TUBA8: variants seen among roughly 807,000 people sequenced by gnomAD.
The protein encoded by TUBA8 is tubulin alpha-8 chain.
TUBA8 carries 29 observed loss-of-function variants against 34.7 expected under a neutral mutation model. The ratio of observed to expected loss-of-function variants is 0.84; its 90% CI spans 0.62 to 1.14. TUBA8 has a LOEUF of 1.14. Among genes scored for constraint, TUBA8 ranks in the 50% most tolerant of loss-of-function variants. The probability of loss-of-function intolerance (pLI) is 0.00; values close to 1 mark genes in which losing one functional copy is unlikely to be tolerated. For synonymous variants in TUBA8, 226 were observed against 231.2 expected, an observed-to-expected ratio of 0.98 and a Z score of 0.21; for missense variants, 541 against 599.2, an observed-to-expected ratio of 0.90 and a Z score of 1.01.
Position 18,111,031 on chromosome 22 carries a change from AACACCCGGTGCC to A in TUBA8, c.3+164_3+175del. The A allele has an allele frequency of 9.5e-7, 1 of 1,050,666 alleles. No homozygotes were observed. Among genetic ancestry groups the A allele is most frequent in the African/African-American group, 1.6e-5 (1 of 63,134 alleles). The allele number at this position is 1,050,666 out of a possible 1,614,324, so 65.1% of individuals were successfully genotyped here. A position where few individuals can be genotyped will look rare whatever the true frequency, so the allele number is the denominator to read the frequency against. On this transcript the variant is annotated intron_variant, in intron 1 of 4. Transcript: ENST00000330423. This position sits in a 1 kb window ranked among gnomAD's most constrained non-coding sequence, Gnocchi z 5.1. ...CGAGGAGTCCGCACCCTCGGGCGGG[AACACCCGGTGCC>A]CTTTATCGTATGGGGGAAATAGAGA...
Position 18,119,307 on chromosome 22 carries a change from A to G in TUBA8, c.4-2172A>G, listed in dbSNP as rs1312011550. 6.6e-6 allele frequency: 1 copy of G among 152,002 alleles called. No individual in the cohort carries two copies. Among genetic ancestry groups the G allele is most frequent in the Non-Finnish European group, 1.5e-5 (1 of 68,034 alleles). The allele number at this position is 152,002 out of a possible 1,614,324, so 9.4% of individuals were successfully genotyped here. ...GCCCTCAGATGGAGGCAGAGAATAG[A>G]CCCCACAATAAAGGAGAGAGGAGCA... On this transcript the variant is annotated intron_variant, in intron 1 of 4. Transcript: ENST00000330423. The surrounding 1 kb of genome is among the most constrained non-coding windows in gnomAD (Gnocchi z 5.9).
In TUBA8 at chr22:18,121,474, C is replaced by T. The variant is rs772569328; in HGVS notation, c.4-5C>T. The T allele has an allele frequency of 6.2e-7, 1 of 1,613,478 alleles. No homozygotes were observed. Among genetic ancestry groups the T allele is most frequent in the Non-Finnish European group, 8.5e-7 (1 of 1,179,366 alleles). ...TCTGACCTCGTTGCTTCCCTCTCCCCACAGCGGGAATGCATATCAGTCCAC... is the reference window on the plus strand; with the variant it reads ...TCTGACCTCGTTGCTTCCCTCTCCCTACAGCGGGAATGCATATCAGTCCAC... On this transcript the variant is annotated splice_polypyrimidine_tract_variant and splice_region_variant and intron_variant, in intron 1 of 4. Transcript: ENST00000330423. This position sits in a 1 kb window ranked among gnomAD's most constrained non-coding sequence, Gnocchi z 4.8.
chr22:18,116,055 T>C (rs867486970), intron 1 of TUBA8: 2 of 152,276 alleles, frequency 1.3e-5, no homozygotes, highest in Non-Finnish European at 2.9e-5. Flanking sequence ...TGTGCTCTGA[T>C]TGGCTAGACA....
rs1341893966 is a variant in TUBA8, at chr22:18,118,260, G to A, written c.4-3219G>A. On this transcript the variant is annotated intron_variant, in intron 1 of 4. Transcript: ENST00000330423. This position sits in a 1 kb window ranked among gnomAD's most constrained non-coding sequence, Gnocchi z 4.0. The stretch of plus-strand genomic sequence containing the variant: ...GCAATATTTGATAATCTATTATTCG[G>A]TCCACATTGCTTAGCAGACATTCTT... 3.9e-5 allele frequency: 6 copies of A among 152,146 alleles called. No homozygotes were observed. Among genetic ancestry groups the A allele is most frequent in the African/African-American group, 1.2e-4 (5 of 41,420 alleles). The allele number at this position is 152,146 out of a possible 1,614,324, so 9.4% of individuals were successfully genotyped here.
intron 4 of TUBA8, 132 bp downstream of exon 4, chr22:18,127,166 C>G: frequency 1.1e-6 from 1 of 897,140 alleles, no homozygotes; most frequent in South Asian, 1.6e-5. Flanking sequence ...CCAAATGTAA[C>G]ATGAATGGAA....
Position 18,131,579 on chromosome 22 carries a change from G to GAC in TUBA8, c.*443_*444insAC. 6 of 244,116 alleles carry GAC rather than the reference G, an allele frequency of 2.5e-5. No homozygotes were observed. Among genetic ancestry groups the GAC allele is most frequent in the South Asian group, 1.7e-4 (3 of 17,712 alleles). The allele number at this position is 244,116 out of a possible 1,614,324, so 15.1% of individuals were successfully genotyped here. A position where few individuals can be genotyped will look rare whatever the true frequency, so the allele number is the denominator to read the frequency against. On this transcript the variant is annotated 3_prime_UTR_variant, in exon 5 of 5. Coordinates refer to ENST00000330423, the MANE Select transcript of TUBA8 (RefSeq NM_018943.3). The surrounding 1 kb of genome is among the most constrained non-coding windows in gnomAD (Gnocchi z 5.3). ...TGAGTGGGTCTATAGCCCGCTCCGG[G>GAC]CATCATCTAGACTTAGCATGCATTC...
chr22:18,126,947 G>T lies in TUBA8; in HGVS notation c.969G>T (p.Val323=), dbSNP rs746330952. The change falls in exon 4 of 5, where the codon GTG becomes GTT. Residue 323 remains valine (V), a synonymous_variant. Coordinates refer to ENST00000330423, the MANE Select transcript of TUBA8 (RefSeq NM_018943.3). This position sits in a 1 kb window ranked among gnomAD's most constrained non-coding sequence, Gnocchi z 4.0. ...GCTGCATGCTCTACCGGGGCGACGT[G>T]GTGCCCAAGGATGTGAATGTCGCTA... ...MACCMLYRGD[V]VPKDVNVAIA... 1 of 1,613,270 alleles carries T rather than the reference G, an allele frequency of 6.2e-7. No individual in the cohort carries two copies. The highest frequency in any genetic ancestry group is 1.7e-4 in the Middle Eastern group (1 of 6,056).
chr22:18,121,657 A>G lies in TUBA8; in HGVS notation c.182A>G (p.His61Arg). 1.9e-6 allele frequency: 3 copies of G among 1,614,220 alleles called. No individual in the cohort carries two copies. The highest frequency in any genetic ancestry group is 2.5e-6 in the Non-Finnish European group (3 of 1,180,044). Residue 61 changes from histidine (H) to arginine (R), a missense_variant, in exon 2 of 5, where the codon CAT (histidine) becomes CGT (arginine). Physicochemically the swap from His to Arg is conservative, Grantham distance 29. Coordinates refer to ENST00000330423, the MANE Select transcript of TUBA8 (RefSeq NM_018943.3). The surrounding 1 kb of genome is among the most constrained non-coding windows in gnomAD (Gnocchi z 4.8). ...TTCAGCGAGACTGGCAATGGGAAGCATGTGCCCCGGGCCGTCATGATAGAT... is the reference window on the plus strand; with the variant it reads ...TTCAGCGAGACTGGCAATGGGAAGCGTGTGCCCCGGGCCGTCATGATAGAT... ...TFFSETGNGK[H>R]VPRAVMIDLE...
Position 18,126,945 on chromosome 22 carries a change from G to C in TUBA8, c.967G>C (p.Val323Leu), listed in dbSNP as rs151102020. Residue 323 changes from valine to leucine, a missense_variant, in exon 4 of 5, where the codon GTG (valine) becomes CTG (leucine). Val to Leu is a conservative substitution (Grantham distance 32). Transcript: ENST00000330423. The surrounding 1 kb of genome is among the most constrained non-coding windows in gnomAD (Gnocchi z 4.0). ...CTGCTGCATGCTCTACCGGGGCGACGTGGTGCCCAAGGATGTGAATGTCGC... is the reference window on the plus strand; with the variant it reads ...CTGCTGCATGCTCTACCGGGGCGACCTGGTGCCCAAGGATGTGAATGTCGC... ...MACCMLYRGD[V>L]VPKDVNVAIA... 1.2e-6 allele frequency: 2 copies of C among 1,613,154 alleles called. No individual in the cohort carries two copies. The highest frequency in any genetic ancestry group is 1.7e-6 in the Non-Finnish European group (2 of 1,179,548).
At chr22:18,122,384 T>C (rs1928173492) in intron 2 of TUBA8, 2 of 152,430 alleles carry the variant, frequency 1.3e-5, no homozygotes, top group African/African-American at 4.8e-5. Context: ...TGGACACCAA[T>C]GTCTAGGGGC....
rs550877149 is a variant in TUBA8 at position 18,131,673 on chromosome 22, C to A, written c.*537C>A. ...TGAGAGCTGGAGAGTTGGTGATAAG[C>A]GAGACGAACACATTTCCTGCCCTCA... On this transcript the variant is annotated 3_prime_UTR_variant, in exon 5 of 5. Coordinates refer to ENST00000330423, the MANE Select transcript of TUBA8 (RefSeq NM_018943.3). The surrounding 1 kb of genome is among the most constrained non-coding windows in gnomAD (Gnocchi z 5.3). 1.8e-5 allele frequency: 3 copies of A among 170,850 alleles called. No individual in the cohort carries two copies. The highest frequency in any genetic ancestry group is 5.5e-5 in the Admixed American group (1 of 18,024). The allele number at this position is 170,850 out of a possible 1,614,324, so 10.6% of individuals were successfully genotyped here. A position where few individuals can be genotyped will look rare whatever the true frequency, so the allele number is the denominator to read the frequency against.
At chr22:18,125,985 C>G (rs12165486) in intron 3 of TUBA8, 19,388 of 294,332 alleles carry the variant, frequency 0.066, 912 homozygotes, top group African/African-American at 0.14. Context: ...CCTCAGCATC[C>G]CAAGTAACTG....
Position 18,111,241 on chromosome 22 carries a change from C to T in TUBA8, c.3+373C>T, listed in dbSNP as rs2123689449. On this transcript the variant is annotated intron_variant, in intron 1 of 4. Transcript: ENST00000330423. This position sits in a 1 kb window ranked among gnomAD's most constrained non-coding sequence, Gnocchi z 5.1. ...AGTCCGGGGATTCTGGATGGGTGGT[C>T]TGGGCCGGGGCGACTGGGGGGCCAG... 1 of 353,436 alleles carries T rather than the reference C, an allele frequency of 2.8e-6. No individual in the cohort carries two copies. Among genetic ancestry groups the T allele is most frequent in the Middle Eastern group, 7.7e-4 (1 of 1,294 alleles). The allele number at this position is 353,436 out of a possible 1,614,324, so 21.9% of individuals were successfully genotyped here. A position where few individuals can be genotyped will look rare whatever the true frequency, so the allele number is the denominator to read the frequency against.
rs527841318 is a variant in TUBA8 at position 18,110,954 on chromosome 22, G to T, written c.3+86G>T. The T allele has an allele frequency of 5.9e-6, 9 of 1,529,216 alleles. No individual in the cohort carries two copies. Among genetic ancestry groups the T allele is most frequent in the Non-Finnish European group, 7.9e-6 (9 of 1,142,554 alleles). The allele number at this position is 1,529,216 out of a possible 1,614,324, so 94.7% of individuals were successfully genotyped here. A position where few individuals can be genotyped will look rare whatever the true frequency, so the allele number is the denominator to read the frequency against. The stretch of plus-strand genomic sequence containing the variant: ...AGTCTACGCGGAGGCGCACGGACCC[G>T]TCTTCCTGGAGCCGCAGGGCTCAAG... On this transcript the variant is annotated intron_variant, in intron 1 of 4. Coordinates refer to ENST00000330423, the MANE Select transcript of TUBA8 (RefSeq NM_018943.3). The surrounding 1 kb of genome is among the most constrained non-coding windows in gnomAD (Gnocchi z 6.2).
rs536117957 is a variant in TUBA8 at position 18,130,164 on chromosome 22, C to G, written c.1057-679C>G. 3 of 152,422 alleles carry G rather than the reference C, an allele frequency of 2.0e-5. No individual in the cohort carries two copies. The South Asian group carries it at 6.2e-4, about 32-fold the overall frequency. 9.4% of individuals were successfully genotyped at this position (152,422 alleles called of 1,614,324 possible). A position where few individuals can be genotyped will look rare whatever the true frequency, so the allele number is the denominator to read the frequency against. ...GTGACCTCTTCCAACAGTTTTCACT[C>G]TTGGCAGGGAAACTTCCTTAAATTT... On this transcript the variant is annotated intron_variant, in intron 4 of 4. Coordinates refer to ENST00000330423, the MANE Select transcript of TUBA8 (RefSeq NM_018943.3).
At chr22:18,120,997 C>T (rs550988811) in intron 1 of TUBA8, 3 of 175,238 alleles carry the variant, frequency 1.7e-5, no homozygotes, top group African/African-American at 7.1e-5. Context: ...AGAGCATGTT[C>T]CTTTCATGAG....
At position 18,111,150 on chromosome 22, in the gene TUBA8, G is replaced by A. The variant is rs907257425; in HGVS notation, c.3+282G>A. On this transcript the variant is annotated intron_variant, in intron 1 of 4. Coordinates refer to ENST00000330423, the MANE Select transcript of TUBA8 (RefSeq NM_018943.3). This position sits in a 1 kb window ranked among gnomAD's most constrained non-coding sequence, Gnocchi z 5.1. Reference sequence around the variant, plus strand: ...GGAGGGAGGCCCTGGGGAGCCCGACGGAGAAGGGGGCGAGATTCTGGGGTC... The same window carrying A: ...GGAGGGAGGCCCTGGGGAGCCCGACAGAGAAGGGGGCGAGATTCTGGGGTC... 32 of 567,018 alleles carry A rather than the reference G, an allele frequency of 5.6e-5. No individual in the cohort carries two copies. The highest frequency in any genetic ancestry group is 3.1e-5 in the Non-Finnish European group (10 of 319,968). The allele number at this position is 567,018 out of a possible 1,614,324, so 35.1% of individuals were successfully genotyped here.
chr22:18,123,247 T>C (rs1414701730), intron 2 of TUBA8: 3 of 151,572 alleles, frequency 2.0e-5, no homozygotes, highest in Admixed American at 6.6e-5. Context: ...AGCTTTTTTT[T>C]TGTTTTTTTG....
chr22:18,114,715 G>A (rs1469185454), intron 1 of TUBA8: 1 of 152,142 alleles, frequency 6.6e-6, no homozygotes, highest in Admixed American at 6.5e-5. Context: ...ACAGCAACTG[G>A]GGCATGAGAG....
Sources: gnomAD v4.1 joint callset for allele counts on GRCh38, gnomAD v4.1.1 for gene constraint, Gnocchi (gnomAD v3.1) non-coding constraint, MANE v1.5 for transcripts, NCBI Gene and HGNC (gene_info 2026-07-23, HGNC 2026-07-21) for gene names.